Variants in SWAP70 observed in about 807,000 individuals in gnomAD.
SWAP70 encodes the protein switch-associated protein 70.
SWAP70 carries 34 observed loss-of-function variants against 80.2 expected under a neutral mutation model. The observed-to-expected ratio is 0.42, with a 90% CI of 0.32 to 0.56. SWAP70 has a LOEUF of 0.56. Among genes scored for constraint, SWAP70 ranks in the 20% least tolerant of loss-of-function variants. The probability of loss-of-function intolerance (pLI) is 0.09; values close to 1 mark genes in which losing one functional copy is unlikely to be tolerated. For missense variants in SWAP70, 578 were observed against 690.7 expected, an observed-to-expected ratio of 0.84 and a Z score of 1.83; for synonymous variants, 239 against 238.5, an observed-to-expected ratio of 1.00 and a Z score of -0.02.
chr11:9,741,885 C>T (rs1405422855), intron 9 of SWAP70: 1 of 138,006 alleles, frequency 7.2e-6, no homozygotes, highest in Non-Finnish European at 1.5e-5. Flanking sequence ...TGGAGGATCA[C>T]TTGAACCCAG....
At chr11:9,749,066 C>A in intron 10 of SWAP70, 21 bp from the exon 11 acceptor site, 1 of 1,583,096 alleles carries the variant, frequency 6.3e-7, no homozygotes, top group Non-Finnish European at 8.7e-7. Context: ...CTGCATAGTC[C>A]AAAATCCACT....
rs144400672 is a variant in SWAP70 at position 9,709,348 on chromosome 11, C to T, written c.241-4118C>T. ...GTCGCTATATTGCCTATATTGGTCTCGAGCTCCTGGTCTCAAGCAATCCTT... is the reference window on the plus strand; with the variant it reads ...GTCGCTATATTGCCTATATTGGTCTTGAGCTCCTGGTCTCAAGCAATCCTT... On this transcript the variant is annotated intron_variant, in intron 2 of 11. Transcript: ENST00000318950. 4.6e-5 allele frequency among the ~76,000 whole-genome samples: 7 copies of T among 152,102 alleles called. No homozygotes were observed. In the East Asian group the frequency reaches 9.7e-4, roughly 21 times the overall value.
At position 9,667,181 on chromosome 11, in the gene SWAP70, A is replaced by G. The variant is rs191193263; in HGVS notation, c.99+2903A>G. Among the ~76,000 whole-genome samples, 633 of 152,228 alleles carry G rather than the reference A, an allele frequency of 4.2e-3. 2 individuals carry two copies. The highest frequency in any genetic ancestry group is 9.9e-3 in the South Asian group (48 of 4,830). On this transcript the variant is annotated intron_variant, in intron 1 of 11. Transcript: ENST00000318950. ...CAATGATATGTTTAGTGATTTGTCC[A>G]AAGTCACAGTTGTAAGTAGTAGCTA...
chr11:9,718,082 A>G (rs1000298754), intron 3 of SWAP70, among the ~76,000 whole-genome samples: 1 of 152,232 alleles, frequency 6.6e-6, no homozygotes, highest in African/African-American at 2.4e-5. Flanking sequence ...GGCTCCTGGC[A>G]TGTTTTTCTT....
chr11:9,718,164 G>T (rs1851089632), intron 3 of SWAP70, among the ~76,000 whole-genome samples: 1 of 152,194 alleles, frequency 6.6e-6, no homozygotes, highest in Non-Finnish European at 1.5e-5. Context: ...GAAGTGAACA[G>T]CCTTTCTTTG....
rs765501131 is a variant in SWAP70, at chr11:9,738,302, G to A, written c.1170G>A (p.Glu390=). The part of the protein sequence containing the change: ...QVELQARFST[E]LEREKLIRQQ... ...AACTTCAGGCCAGGTTCAGCACAGA[G>A]CTGGAAAGAGAGAAGCTTGTGAGTA... is the stretch of plus-strand genomic sequence containing the variant. Residue 390 remains glutamate (E), a synonymous_variant, in exon 8 of 12, where the codon GAG becomes GAA. Coordinates refer to ENST00000318950, the MANE Select transcript of SWAP70 (RefSeq NM_015055.4). 2 of 1,602,230 alleles carry A rather than the reference G, an allele frequency of 1.2e-6. No homozygotes were observed. Among genetic ancestry groups the A allele is most frequent in the East Asian group, 2.3e-5 (1 of 44,052 alleles).
chr11:9,726,463 T>C (rs1207779652), intron 4 of SWAP70, among the ~76,000 whole-genome samples: 4 of 152,180 alleles, frequency 2.6e-5, no homozygotes, highest in East Asian at 3.8e-4. Flanking sequence ...TTTTTGGTGC[T>C]ACAAAGAGGT....
Position 9,664,238 on chromosome 11 carries a change from AC to A in SWAP70, c.61del (p.Gln21ArgfsTer23). 6.3e-7 allele frequency: 1 copy of A among 1,594,736 alleles called. No individual in the cohort carries two copies. Among genetic ancestry groups the A allele is most frequent in the Non-Finnish European group, 8.5e-7 (1 of 1,171,342 alleles). On this transcript the variant is annotated frameshift_variant, in exon 1 of 12. Coordinates refer to ENST00000318950, the MANE Select transcript of SWAP70 (RefSeq NM_015055.4). LOFTEE classifies it high-confidence loss of function. ...KAIWHAFTAL[D>X]QDHSGKVSKS... Reference sequence around the variant, plus strand: ...ATCTGGCACGCCTTCACCGCACTCGACCAGGACCACAGCGGCAAGGTCTCCA... The same window carrying A: ...ATCTGGCACGCCTTCACCGCACTCGACAGGACCACAGCGGCAAGGTCTCCA...
rs1851026845 is a variant in SWAP70 at position 9,713,543 on chromosome 11, TC to T, written c.322del (p.Leu108CysfsTer25). On this transcript the variant is annotated frameshift_variant, in exon 3 of 12. Transcript: ENST00000318950. LOFTEE classifies it high-confidence loss of function. ...LCVKKNLTKN[P>X]LLITEEDAFK... ...GTGTCAAAAAAAACCTCACAAAGAA[TC>T]CCCTGCTCATTACAGAAGAAGATGC... 6.2e-7 allele frequency: 1 copy of T among 1,613,928 alleles called. No homozygotes were observed. Among genetic ancestry groups the T allele is most frequent in the South Asian group, 1.1e-5 (1 of 91,082 alleles).
intron 1 of SWAP70, among the ~76,000 whole-genome samples, chr11:9,669,127 G>T (rs1850343577): frequency 6.6e-6 from 1 of 152,208 alleles, no homozygotes; most frequent in East Asian, 1.9e-4. Flanking sequence ...AAAGGAAGAA[G>T]CGATTTCTTC....
chr11:9,745,040 C>T (rs1257327245), intron 9 of SWAP70, among the ~76,000 whole-genome samples: 1 of 152,214 alleles, frequency 6.6e-6, no homozygotes, highest in Non-Finnish European at 1.5e-5. Flanking sequence ...CAACTCGTAC[C>T]TGGCACACAG....
intron 10 of SWAP70, among the ~76,000 whole-genome samples, chr11:9,748,307 A>ACTC (rs1373152524): frequency 4.6e-5 from 7 of 152,238 alleles, no homozygotes; most frequent in Non-Finnish European, 1.0e-4. Context: ...GAGATTACCT[A>ACTC]CTGTGTTGTA....
At chr11:9,733,385 C>T (rs1851324774) in intron 7 of SWAP70, among the ~76,000 whole-genome samples, 1 of 152,188 alleles carries the variant, frequency 6.6e-6, no homozygotes, top group African/African-American at 2.4e-5. Context: ...CTCTTTCATG[C>T]ACATCTGTGC....
chr11:9,675,507 T>A (rs1367508058), intron 1 of SWAP70, among the ~76,000 whole-genome samples: 1 of 151,354 alleles, frequency 6.6e-6, no homozygotes, highest in Non-Finnish European at 1.5e-5. Flanking sequence ...TAGAAACAGA[T>A]GTTTGCTGGT....
chr11:9,708,271 G>C (rs981191414), intron 2 of SWAP70, among the ~76,000 whole-genome samples: 10 of 152,064 alleles, frequency 6.6e-5, no homozygotes, highest in Non-Finnish European at 1.3e-4. Context: ...AGTGTGCAAG[G>C]GTTCGAATTT....
At position 9,728,121 on chromosome 11, in the gene SWAP70, C is replaced by A. The variant is rs761444449; in HGVS notation, c.711C>A (p.Asn237Lys). Residue 237 changes from asparagine (N) to lysine (K), a missense_variant, in exon 5 of 12, where the codon AAC becomes AAA. Physicochemically the swap from Asn to Lys is moderately conservative, Grantham distance 94 (BLOSUM62 0). Transcript: ENST00000318950. ...AAAGATGGTTTGTACTAAAACCCAACATAATTTCTTACTATGTGAGTGAGG... is the reference window on the plus strand; with the variant it reads ...AAAGATGGTTTGTACTAAAACCCAAAATAATTTCTTACTATGTGAGTGAGG... Reference protein sequence around the residue: ...WTERWFVLKPNIISYYVSEDL... With the variant: ...WTERWFVLKPKIISYYVSEDL... The A allele has an allele frequency of 3.7e-6, 6 of 1,612,662 alleles. No homozygotes were observed. In the Admixed American group the frequency reaches 5.0e-5, roughly 13 times the overall value.
rs1383339197 is a variant in SWAP70 at position 9,751,120 on chromosome 11, A to T, written c.*1150A>T. The T allele has an allele frequency of 6.6e-6, 1 of 152,270 alleles. No individual in the cohort carries two copies. Among genetic ancestry groups the T allele is most frequent in the Non-Finnish European group, 1.5e-5 (1 of 68,048 alleles). The allele number at this position is 152,270 out of a possible 1,614,324, so 9.4% of individuals were successfully genotyped here. On this transcript the variant is annotated 3_prime_UTR_variant, in exon 12 of 12. Coordinates refer to ENST00000318950, the MANE Select transcript of SWAP70 (RefSeq NM_015055.4). ...AATTAAGAAAGCAGATTAGATGCAC[A>T]TGGTCAACAGGAAGTTGACTGTATG...
chr11:9,677,741 T>A (rs1296751663), intron 1 of SWAP70, among the ~76,000 whole-genome samples: 2 of 152,170 alleles, frequency 1.3e-5, no homozygotes, highest in Non-Finnish European at 2.9e-5. Context: ...TTTTTAGAAA[T>A]ACAGCTTTAA....
chr11:9,738,833 C>T (rs1326373209), intron 8 of SWAP70, among the ~76,000 whole-genome samples: 1 of 151,936 alleles, frequency 6.6e-6, no homozygotes, highest in Non-Finnish European at 1.5e-5. Flanking sequence ...TGCACTCCAG[C>T]CTGGGTGACA....
Sources: allele counts gnomAD v4.1 joint callset (sites outside exome capture counted in the v4.1 genomes callset), GRCh38; gene constraint gnomAD v4.1.1; transcripts MANE v1.5; gene names NCBI Gene and HGNC (gene_info 2026-07-23, HGNC 2026-07-21).